Variants in DIAPH2 observed in about 807,000 individuals in gnomAD.
DIAPH2 encodes protein diaphanous homolog 2.
Under a neutral mutation model 92.7 loss-of-function variants are expected in DIAPH2, and 35 were observed. That is an observed-to-expected ratio of 0.38 (90% CI 0.29 to 0.50). The LOEUF is 0.50. Among genes scored for constraint, DIAPH2 ranks in the 20% least tolerant of loss-of-function variants. The probability of loss-of-function intolerance (pLI) is 0.94; values close to 1 mark genes in which losing one functional copy is unlikely to be tolerated. For missense variants in DIAPH2, 701 were observed against 819.5 expected (o/e 0.86, Z 1.77); for synonymous variants, 301 against 280.4 (o/e 1.07, Z -0.73).
chrX:97,289,541 T>C (rs2068572370), intron 23 of DIAPH2, among the ~76,000 whole-genome samples: 1 of 110,992 alleles, frequency 9.0e-6, no homozygotes, highest in African/African-American at 3.3e-5. Flanking sequence ...TCAATACACA[T>C]TAGAATCATC....
chrX:97,499,764 G>A (rs892509935), intron 26 of DIAPH2, among the ~76,000 whole-genome samples: 1 of 112,325 alleles, frequency 8.9e-6, no homozygotes, highest in African/African-American at 3.2e-5. Context: ...ATACTATGCA[G>A]CCATAAAAAA....
chrX:97,073,176 A>G lies in DIAPH2; in HGVS notation c.2152+134A>G, dbSNP rs769110287. ...ATCTTCTAGAAACAAAATCCTGTGT[A>G]AACATGATTTGGTTGCCTTTTTGTC... On this transcript the variant is annotated intron_variant, in intron 18 of 26. Coordinates refer to ENST00000324765, the MANE Select transcript of DIAPH2 (RefSeq NM_006729.5). 6 of 456,575 alleles carry G rather than the reference A, an allele frequency of 1.3e-5. No individual in the cohort carries two copies. In the East Asian group the frequency reaches 2.6e-4, roughly 20 times the overall value. The allele number at this position is 456,575 out of a possible 1,213,427, so 37.6% of individuals were successfully genotyped here.
Position 96,900,175 on chromosome X carries a change from T to C in DIAPH2, c.588-12153T>C, listed in dbSNP as rs147425641. Among the ~76,000 whole-genome samples, 1,082 of 112,007 alleles carry C rather than the reference T, an allele frequency of 9.7e-3. 7 individuals carry two copies. The highest frequency in any genetic ancestry group is 0.033 in the South Asian group (88 of 2,678). On this transcript the variant is annotated intron_variant, in intron 5 of 26. Transcript: ENST00000324765. Reference sequence around the variant, plus strand: ...CAGCAGTGTTTCGTAGTTTTCCTTATAGAGATATTTTGCCTCCTTGGTTAA... The same window carrying C: ...CAGCAGTGTTTCGTAGTTTTCCTTACAGAGATATTTTGCCTCCTTGGTTAA...
At chrX:96,848,182 G>A (rs2064984856) in intron 4 of DIAPH2, among the ~76,000 whole-genome samples, 1 of 110,655 alleles carries the variant, frequency 9.0e-6, no homozygotes, top group Non-Finnish European at 1.9e-5. Flanking sequence ...CAGGAGAATA[G>A]GTGCACAACA....
At chrX:97,413,167 G>A (rs1185021938) in intron 25 of DIAPH2, among the ~76,000 whole-genome samples, 1 of 111,653 alleles carries the variant, frequency 9.0e-6, no homozygotes, top group Non-Finnish European at 1.9e-5. Flanking sequence ...TAAAATAGTG[G>A]TAAACCGAAT....
intron 20 of DIAPH2, 141 bp downstream of exon 20, chrX:97,099,936 G>GA (rs946491569): frequency 6.4e-6 from 2 of 311,711 alleles, no homozygotes; most frequent in Admixed American, 6.3e-5. Flanking sequence ...TTGGCTGTCA[G>GA]AAAAAAATAC....
chrX:97,509,685 A>T (rs1602636883), intron 26 of DIAPH2, among the ~76,000 whole-genome samples: 1 of 101,695 alleles, frequency 9.8e-6, no homozygotes, highest in Non-Finnish European at 2.0e-5. Context: ...CAGTCCCCAG[A>T]GTGTGATGTT....
chrX:97,412,538 A>G (rs935884391), intron 25 of DIAPH2, among the ~76,000 whole-genome samples: 1 of 112,112 alleles, frequency 8.9e-6, no homozygotes, highest in Non-Finnish European at 1.9e-5. Flanking sequence ...GCACAAGACA[A>G]GAAATAACTA....
At chrX:96,803,284 A>G (rs967536627) in intron 4 of DIAPH2, among the ~76,000 whole-genome samples, 9 of 106,892 alleles carry the variant, frequency 8.4e-5, no homozygotes, top group African/African-American at 3.0e-4. Context: ...TTATTAAAAG[A>G]TGTTTTCTTT....
At chrX:97,484,573 A>G (rs772999265) in intron 26 of DIAPH2, among the ~76,000 whole-genome samples, 6 of 112,099 alleles carry the variant, frequency 5.4e-5, no homozygotes, top group Non-Finnish European at 1.1e-4. Context: ...ATTAACATAG[A>G]CGGTACTTTT....
At chrX:97,165,691 C>T (rs975877664) in intron 22 of DIAPH2, among the ~76,000 whole-genome samples, 9 of 105,886 alleles carry the variant, frequency 8.5e-5, no homozygotes, top group Admixed American at 2.1e-4. Flanking sequence ...TTAGTAGAGA[C>T]GCATTTTCAT....
intron 23 of DIAPH2, among the ~76,000 whole-genome samples, chrX:97,267,512 A>G (rs1488340050): frequency 9.0e-6 from 1 of 111,700 alleles, no homozygotes. Flanking sequence ...CATTAAGATG[A>G]ATAATGACAA....
chrX:97,012,652 A>G (rs1451292519), intron 17 of DIAPH2, among the ~76,000 whole-genome samples: 2 of 112,189 alleles, frequency 1.8e-5, no homozygotes, highest in Non-Finnish European at 3.8e-5. Context: ...CTCTTTTCCA[A>G]CGTTATCTTT....
intron 3 of DIAPH2, among the ~76,000 whole-genome samples, chrX:96,744,130 C>T (rs994390694): frequency 3.6e-5 from 4 of 112,304 alleles, no homozygotes; most frequent in African/African-American, 1.3e-4. Flanking sequence ...TACTTATACC[C>T]TGAATATTGC....
intron 17 of DIAPH2, among the ~76,000 whole-genome samples, chrX:97,026,575 T>C (rs888850143): frequency 8.9e-6 from 1 of 111,794 alleles, no homozygotes; most frequent in Non-Finnish European, 1.9e-5. Context: ...AATTTTCGTA[T>C]TTCTGGATTT....
chrX:97,185,842 A>G (rs1366298152), intron 22 of DIAPH2, among the ~76,000 whole-genome samples: 2 of 109,225 alleles, frequency 1.8e-5, no homozygotes, highest in African/African-American at 3.3e-5. Flanking sequence ...GCATGATACA[A>G]TTGAACAATG....
chrX:96,921,690 C>T, intron 9 of DIAPH2, among the ~76,000 whole-genome samples: 1 of 88,043 alleles, frequency 1.1e-5, no homozygotes, highest in East Asian at 3.3e-4. Flanking sequence ...TGTTCTCTAC[C>T]TTTATGGTTT....
chrX:97,096,768 G>A (rs940734105), intron 19 of DIAPH2, among the ~76,000 whole-genome samples: 2 of 111,913 alleles, frequency 1.8e-5, no homozygotes, highest in South Asian at 3.7e-4. Context: ...ATCTGACCAC[G>A]TTGGGGATGA....
chrX:97,302,218 A>C (rs1354346468), intron 23 of DIAPH2, among the ~76,000 whole-genome samples: 1 of 92,552 alleles, frequency 1.1e-5, no homozygotes, highest in Non-Finnish European at 2.2e-5. Context: ...TCTCAAAAAA[A>C]AAAAAAAAAA....
Sources: gnomAD v4.1 joint callset for allele counts (sites outside exome capture counted in the v4.1 genomes callset) on GRCh38, gnomAD v4.1.1 for gene constraint, MANE v1.5 for transcripts, NCBI Gene and HGNC (gene_info 2026-07-23, HGNC 2026-07-21) for gene names.